Variants in SYN3 observed in about 807,000 individuals in gnomAD.
The protein encoded by SYN3 is synapsin III.
A neutral mutation model predicts 65.8 loss-of-function variants in SYN3; 35 were observed. That is an observed-to-expected ratio of 0.53 (90% CI 0.41 to 0.70). SYN3 has a LOEUF of 0.70. Ranked by LOEUF, SYN3 falls within the 30% of genes least tolerant of loss-of-function variation. The pLI is 0.00. For missense variants in SYN3, 680 were observed against 749.0 expected (o/e 0.91, Z 1.08); for synonymous variants, 270 against 292.9 (o/e 0.92, Z 0.80).
At chr22:32,630,047 G>A (rs1024587395) in intron 6 of SYN3, among the ~76,000 whole-genome samples, 5 of 150,632 alleles carry the variant, frequency 3.3e-5, no homozygotes, top group East Asian at 1.9e-4. Flanking sequence ...ACGGTGGCGC[G>A]ATCTCGGCTC....
intron 6 of SYN3, among the ~76,000 whole-genome samples, chr22:32,834,896 T>C (rs1463148054): frequency 6.6e-6 from 1 of 152,190 alleles, no homozygotes; most frequent in Non-Finnish European, 1.5e-5. Context: ...CAAGCTTATA[T>C]CTGTCACCCA....
chr22:32,716,860 A>C (rs570586806), intron 6 of SYN3, among the ~76,000 whole-genome samples: 7 of 151,994 alleles, frequency 4.6e-5, no homozygotes, highest in African/African-American at 1.7e-4. Context: ...TACATAACAA[A>C]ATTTACCATT....
At chr22:32,557,077 T>C (rs78440635) in intron 7 of SYN3, among the ~76,000 whole-genome samples, 3,268 of 152,296 alleles carry the variant, frequency 0.021, 109 homozygotes, top group African/African-American at 0.074. Flanking sequence ...TCTTAATGCA[T>C]ACAAAGGTGG....
At chr22:32,656,553 C>A (rs2060144472) in intron 6 of SYN3, among the ~76,000 whole-genome samples, 1 of 152,086 alleles carries the variant, frequency 6.6e-6, no homozygotes, top group Admixed American at 6.6e-5. Flanking sequence ...GTTAGCAAAG[C>A]AGAGTGGTAG....
At chr22:32,647,756 G>A (rs932385289) in intron 6 of SYN3, among the ~76,000 whole-genome samples, 1 of 152,030 alleles carries the variant, frequency 6.6e-6, no homozygotes, top group African/African-American at 2.4e-5. Flanking sequence ...TTACAGGTGC[G>A]CGCCACCATA....
chr22:32,763,144 TG>T (rs1555951812), intron 6 of SYN3, among the ~76,000 whole-genome samples: 3 of 8,680 alleles, frequency 3.5e-4, no homozygotes, highest in African/African-American at 5.7e-3. Flanking sequence ...ATCTATTTTT[TG>T]TTGTTGTTGT....
intron 6 of SYN3, among the ~76,000 whole-genome samples, chr22:32,727,461 T>C (rs1007490465): frequency 2.0e-5 from 3 of 152,246 alleles, no homozygotes; most frequent in Admixed American, 6.5e-5. Flanking sequence ...TAGTGCTGCA[T>C]ACACATATCT....
At chr22:32,711,730 T>G (rs2060969107) in intron 6 of SYN3, among the ~76,000 whole-genome samples, 1 of 152,314 alleles carries the variant, frequency 6.6e-6, no homozygotes, top group South Asian at 2.1e-4. Flanking sequence ...CATCCATCAC[T>G]TTCACCCTTG....
intron 6 of SYN3, among the ~76,000 whole-genome samples, chr22:32,794,409 G>A (rs968221143): frequency 6.6e-6 from 1 of 152,168 alleles, no homozygotes; most frequent in Non-Finnish European, 1.5e-5. Flanking sequence ...GGATCAGTCC[G>A]TGAGAATGAT....
At chr22:32,931,700 G>A (rs2050639328) in intron 3 of SYN3, among the ~76,000 whole-genome samples, 1 of 152,202 alleles carries the variant, frequency 6.6e-6, no homozygotes, top group Non-Finnish European at 1.5e-5. Context: ...ATTAATACAA[G>A]GCCAAACTGG....
At chr22:32,517,591 T>C (rs2057799162) in intron 13 of SYN3, among the ~76,000 whole-genome samples, 1 of 152,232 alleles carries the variant, frequency 6.6e-6, no homozygotes, top group South Asian at 2.1e-4. Context: ...TGGGGCATAA[T>C]TATACTCACA....
At chr22:32,961,699 G>A (rs2051657926) in intron 3 of SYN3, among the ~76,000 whole-genome samples, 2 of 152,248 alleles carry the variant, frequency 1.3e-5, no homozygotes, top group South Asian at 4.1e-4. Flanking sequence ...CCGCCCCTCA[G>A]CTGGGCTGGA....
At chr22:32,845,525 C>G (rs1256487266) in intron 6 of SYN3, among the ~76,000 whole-genome samples, 1 of 152,158 alleles carries the variant, frequency 6.6e-6, no homozygotes, top group Non-Finnish European at 1.5e-5. Flanking sequence ...CCCCACTAGA[C>G]TAGCCATCAG....
intron 6 of SYN3, among the ~76,000 whole-genome samples, chr22:32,743,827 C>G (rs924486981): frequency 4.6e-5 from 7 of 152,102 alleles, no homozygotes; most frequent in Non-Finnish European, 1.0e-4. Context: ...GGGGTCCAAG[C>G]CTCCTTTTGG....
At chr22:32,600,159 G>A (rs1324199848) in intron 6 of SYN3, among the ~76,000 whole-genome samples, 1 of 152,112 alleles carries the variant, frequency 6.6e-6, no homozygotes, top group Non-Finnish European at 1.5e-5. Flanking sequence ...ATTAGTGGGA[G>A]CCCTGAGCTT....
At chr22:32,614,355 C>A (rs990110419) in intron 6 of SYN3, among the ~76,000 whole-genome samples, 2 of 152,152 alleles carry the variant, frequency 1.3e-5, no homozygotes, top group Non-Finnish European at 2.9e-5. Context: ...GACTCTGAGC[C>A]CAAAGAGAGA....
chr22:32,872,781 C>G (rs1424074635), intron 4 of SYN3, among the ~76,000 whole-genome samples: 2 of 152,066 alleles, frequency 1.3e-5, no homozygotes, highest in Non-Finnish European at 2.9e-5. Context: ...CTGCAGTCAC[C>G]CCAACATTTA....
chr22:32,819,414 C>T (rs1226260831), intron 6 of SYN3, among the ~76,000 whole-genome samples: 1 of 152,236 alleles, frequency 6.6e-6, no homozygotes, highest in African/African-American at 2.4e-5. Context: ...AAGGGTGTAT[C>T]TCATTTTTTA....
intron 1 of SYN3, among the ~76,000 whole-genome samples, chr22:33,032,931 T>C (rs1258159038): frequency 6.6e-6 from 1 of 152,186 alleles, no homozygotes; most frequent in Non-Finnish European, 1.5e-5. Flanking sequence ...GAAACCAAAC[T>C]GTAACCTGAT....
Sources: gnomAD v4.1 joint callset for allele counts (sites outside exome capture counted in the v4.1 genomes callset) on GRCh38, gnomAD v4.1.1 for gene constraint, MANE v1.5 for transcripts, NCBI Gene and HGNC (gene_info 2026-07-23, HGNC 2026-07-21) for gene names.